HPSE2: variants seen among roughly 807,000 people sequenced by gnomAD.
HPSE2 encodes inactive heparanase-2.
HPSE2 carries 38 observed loss-of-function variants against 60.5 expected under a neutral mutation model. The observed-to-expected ratio is 0.63, with a 90% confidence interval of 0.48 to 0.82. The LOEUF (loss-of-function observed/expected upper bound fraction) is 0.82, where lower values mean the gene tolerates loss of function less well. Among genes scored for constraint, HPSE2 ranks in the 40% least tolerant of loss-of-function variants. The pLI is 0.00. For synonymous variants in HPSE2, 295 were observed against 293.2 expected, an observed-to-expected ratio of 1.01 and a Z score of -0.06; for missense variants, 713 against 740.4, an observed-to-expected ratio of 0.96 and a Z score of 0.43.
At chr10:98,859,943 T>C (rs1380298969) in intron 3 of HPSE2, among the ~76,000 whole-genome samples, 1 of 152,186 alleles carries the variant, frequency 6.6e-6, no homozygotes, top group Non-Finnish European at 1.5e-5. Context: ...ATGCCTATGA[T>C]TATAATATAT....
At chr10:98,937,715 G>A (rs1224304379) in intron 3 of HPSE2, among the ~76,000 whole-genome samples, 1 of 141,578 alleles carries the variant, frequency 7.1e-6, no homozygotes, top group East Asian at 2.0e-4. Context: ...GTCCCTGTCT[G>A]ACAGCTTTGA....
At chr10:98,849,404 A>G (rs2134726276) in intron 3 of HPSE2, among the ~76,000 whole-genome samples, 1 of 152,364 alleles carries the variant, frequency 6.6e-6, no homozygotes, top group Middle Eastern at 3.4e-3. Context: ...TAACACCATC[A>G]TTAAACAGAA....
At chr10:98,996,885 G>T (rs1956652398) in intron 3 of HPSE2, among the ~76,000 whole-genome samples, 1 of 152,154 alleles carries the variant, frequency 6.6e-6, no homozygotes, top group South Asian at 2.1e-4. Flanking sequence ...TGCTGACTGG[G>T]AAGGAGCATA....
intron 3 of HPSE2, among the ~76,000 whole-genome samples, chr10:98,810,420 A>C (rs1176428092): frequency 6.6e-6 from 1 of 152,202 alleles, no homozygotes; most frequent in African/African-American, 2.4e-5. Flanking sequence ...TTGAAGGTTT[A>C]GCGATTAAGA....
rs144466875 is a variant in HPSE2 at position 98,650,725 on chromosome 10, A to C, written c.1005-8785T>G. 1.3e-3 allele frequency among the ~76,000 whole-genome samples: 196 copies of C among 152,350 alleles called. 1 individual carries two copies. The highest frequency in any genetic ancestry group is 4.7e-3 in the African/African-American group (195 of 41,588). Reference sequence around the variant, plus strand: ...GACCAAAAAGGACATGGAATCTAGAATGTTGGAAGGGAGGCCAGTTAATAA... The same window carrying C: ...GACCAAAAAGGACATGGAATCTAGACTGTTGGAAGGGAGGCCAGTTAATAA... On this transcript the variant is annotated intron_variant, in intron 6 of 11. Transcript: ENST00000370552.
intron 9 of HPSE2, among the ~76,000 whole-genome samples, chr10:98,517,216 G>T (rs1462084565): frequency 2.6e-5 from 4 of 151,742 alleles, no homozygotes; most frequent in African/African-American, 4.8e-5. Flanking sequence ...GGCGAGGCGA[G>T]GGGGTGCATT....
chr10:99,171,227 CAT>C (rs1437098564), intron 2 of HPSE2, among the ~76,000 whole-genome samples: 1 of 152,198 alleles, frequency 6.6e-6, no homozygotes, highest in Non-Finnish European at 1.5e-5. Context: ...AAAACCAAGA[CAT>C]GTGCTAATTC....
At chr10:98,534,930 A>G (rs753405101) in intron 9 of HPSE2, among the ~76,000 whole-genome samples, 1 of 151,888 alleles carries the variant, frequency 6.6e-6, no homozygotes, top group African/African-American at 2.4e-5. Flanking sequence ...TCATTTGGGT[A>G]TATAAGCTCT....
intron 6 of HPSE2, among the ~76,000 whole-genome samples, chr10:98,691,278 AAAG>A (rs1274981168): frequency 6.6e-6 from 1 of 152,196 alleles, no homozygotes; most frequent in African/African-American, 2.4e-5. Flanking sequence ...CCTGGAGCCA[AAAG>A]AAATACAACC....
chr10:98,555,453 T>G lies in HPSE2; in HGVS notation c.1320+59451A>C, dbSNP rs78656847. On this transcript the variant is annotated intron_variant, in intron 9 of 11. Transcript: ENST00000370552. ...ATGTTTGCACACTCGGCTTGTCCTG[T>G]GGACTTGTCTAACTAAGCTCCCCTT... 1.8e-3 allele frequency among the ~76,000 whole-genome samples: 275 copies of G among 152,318 alleles called. 1 individual carries two copies. Among genetic ancestry groups the G allele is most frequent in the Non-Finnish European group, 3.5e-3 (240 of 68,024 alleles).
intron 9 of HPSE2, among the ~76,000 whole-genome samples, chr10:98,568,521 T>G (rs910168605): frequency 9.2e-5 from 14 of 152,164 alleles, no homozygotes; most frequent in African/African-American, 3.4e-4. Flanking sequence ...CAGAAGTCTG[T>G]GGGCATAGAG....
In HPSE2 at chr10:98,717,852, C is replaced by T. The variant is rs776633514; in HGVS notation, c.956+3805G>A. ...TATAAAAAATTCAATATATGTGAAG[C>T]GCAATAAATATGAGGTTTGCCTGTA... On this transcript the variant is annotated intron_variant, in intron 5 of 11. Transcript: ENST00000370552. 8.6e-5 allele frequency among the ~76,000 whole-genome samples: 13 copies of T among 151,978 alleles called. No homozygotes were observed. In the South Asian group the frequency reaches 1.2e-3, roughly 15 times the overall value.
At chr10:98,974,427 C>CCGG (rs1166509078) in intron 3 of HPSE2, among the ~76,000 whole-genome samples, 10 of 151,956 alleles carry the variant, frequency 6.6e-5, no homozygotes, top group African/African-American at 2.4e-4. Flanking sequence ...ACCTTAATGC[C>CCGG]CGGCTAATTT....
intron 3 of HPSE2, among the ~76,000 whole-genome samples, chr10:98,849,611 C>T (rs964582141): frequency 6.6e-6 from 1 of 152,150 alleles, no homozygotes; most frequent in Admixed American, 6.5e-5. Context: ...CGGCCATAAC[C>T]TCTCCTAAAG....
intron 3 of HPSE2, among the ~76,000 whole-genome samples, chr10:98,772,729 C>T (rs1201499660): frequency 6.6e-6 from 1 of 152,116 alleles, no homozygotes; most frequent in Non-Finnish European, 1.5e-5. Flanking sequence ...TGATTCACTA[C>T]AAGAATGGTT....
chr10:99,184,075 A>T (rs952511813), intron 2 of HPSE2, among the ~76,000 whole-genome samples: 2 of 152,244 alleles, frequency 1.3e-5, no homozygotes, highest in African/African-American at 4.8e-5. Context: ...CAAATCAACT[A>T]GCACCCAACA....
chr10:98,527,483 G>A (rs1417665685), intron 9 of HPSE2, among the ~76,000 whole-genome samples: 7 of 152,114 alleles, frequency 4.6e-5, no homozygotes, highest in East Asian at 3.9e-4. Flanking sequence ...AGGCCCCTGC[G>A]CAAGACGGTG....
intron 3 of HPSE2, among the ~76,000 whole-genome samples, chr10:99,133,009 G>C (rs1185738644): frequency 6.6e-6 from 1 of 152,204 alleles, no homozygotes; most frequent in Non-Finnish European, 1.5e-5. Flanking sequence ...CTCACTGCCA[G>C]CACACCAGCA....
chr10:99,122,056 T>C (rs1424730478), intron 3 of HPSE2, among the ~76,000 whole-genome samples: 1 of 152,080 alleles, frequency 6.6e-6, no homozygotes, highest in East Asian at 1.9e-4. Context: ...TATATAAAAT[T>C]ATGTATATGT....
Sources: allele counts gnomAD v4.1 joint callset (sites outside exome capture counted in the v4.1 genomes callset), GRCh38; gene constraint gnomAD v4.1.1; transcripts MANE v1.5; gene names NCBI Gene and HGNC (gene_info 2026-07-23, HGNC 2026-07-21).